The following SUGCT variants were observed in gnomAD, a reference collection of about 807,000 sequenced individuals.
The protein encoded by SUGCT is succinyl-CoA:glutarate-CoA transferase.
A neutral mutation model predicts 55.0 loss-of-function variants in SUGCT; 41 were observed. The observed-to-expected ratio is 0.74, with a 90% CI of 0.58 to 0.97. The LOEUF (loss-of-function observed/expected upper bound fraction) is 0.97, where lower values mean the gene tolerates loss of function less well. Ranked by LOEUF, SUGCT falls within the 50% of genes least tolerant of loss-of-function variation. The probability of loss-of-function intolerance (pLI) is 0.00; values close to 1 mark genes in which losing one functional copy is unlikely to be tolerated. For missense variants in SUGCT, 568 were observed against 547.8 expected, an observed-to-expected ratio of 1.04 and a Z score of -0.37; for synonymous variants, 187 against 200.4, an observed-to-expected ratio of 0.93 and a Z score of 0.56.
intron 9 of SUGCT, among the ~76,000 whole-genome samples, chr7:40,366,725 C>T (rs1462895853): frequency 6.6e-6 from 1 of 151,880 alleles, no homozygotes; most frequent in Admixed American, 6.6e-5. Context: ...ATACCATCTC[C>T]CACCAGTTAG....
intron 9 of SUGCT, among the ~76,000 whole-genome samples, chr7:40,330,929 G>A (rs1292867219): frequency 3.3e-5 from 5 of 152,006 alleles, no homozygotes; most frequent in Non-Finnish European, 5.9e-5. Flanking sequence ...AAGCATTTTA[G>A]TGAAAATGAA....
intron 10 of SUGCT, among the ~76,000 whole-genome samples, chr7:40,451,932 C>T (rs1027582071): frequency 6.6e-6 from 1 of 152,178 alleles, no homozygotes; most frequent in Non-Finnish European, 1.5e-5. Context: ...TCACAGTGAG[C>T]CCCTCAAAAC....
chr7:40,170,608 G>T (rs1470803705), intron 1 of SUGCT, among the ~76,000 whole-genome samples: 1 of 152,184 alleles, frequency 6.6e-6, no homozygotes, highest in Non-Finnish European at 1.5e-5. Flanking sequence ...TTTCCAGGGT[G>T]CATAACCACC....
the SUGCT span, among the ~76,000 whole-genome samples, chr7:40,941,187 AC>A: frequency 6.6e-6 from 1 of 151,842 alleles, no homozygotes. Flanking sequence ...CACATTTGTG[AC>A]CTTTCAGACT....
At chr7:40,598,872 T>TGA (rs1027110335) in intron 12 of SUGCT, among the ~76,000 whole-genome samples, 1 of 152,112 alleles carries the variant, frequency 6.6e-6, no homozygotes, top group Non-Finnish European at 1.5e-5. Context: ...GGTTGACATT[T>TGA]GAGAGAGAGA....
chr7:40,806,197 CTG>C (rs1435269441), intron 13 of SUGCT, among the ~76,000 whole-genome samples: 1 of 152,170 alleles, frequency 6.6e-6, no homozygotes, highest in African/African-American at 2.4e-5. Flanking sequence ...TGTCTAAACT[CTG>C]TAACGTTGGT....
intron 8 of SUGCT, among the ~76,000 whole-genome samples, chr7:40,301,667 A>G (rs1794550047): frequency 6.6e-6 from 1 of 152,220 alleles, no homozygotes; most frequent in Non-Finnish European, 1.5e-5. Context: ...GAAGCTCAAG[A>G]GAGCAGTGCA....
intron 13 of SUGCT, among the ~76,000 whole-genome samples, chr7:40,821,735 T>C (rs1168159645): frequency 2.0e-5 from 3 of 152,208 alleles, no homozygotes; most frequent in Non-Finnish European, 4.4e-5. Context: ...TCATTGATTT[T>C]TTTGAAGGGT....
chr7:40,309,789 C>CGATATGTGGTGTGTGAGA (rs61287506), intron 8 of SUGCT, among the ~76,000 whole-genome samples: 1 of 151,208 alleles, frequency 6.6e-6, no homozygotes, highest in Non-Finnish European at 1.5e-5. Flanking sequence ...GCCCACACAG[C>CGATATGTGGTGTGTGAGA]GAGAGGGACA....
At chr7:40,297,847 C>T (rs562818817) in intron 8 of SUGCT, among the ~76,000 whole-genome samples, 4 of 152,026 alleles carry the variant, frequency 2.6e-5, no homozygotes, top group South Asian at 4.1e-4. Flanking sequence ...AACTCAGAGA[C>T]GAAATTTTTT....
At chr7:40,933,731 C>T in the SUGCT span, among the ~76,000 whole-genome samples, 2 of 152,172 alleles carry the variant, frequency 1.3e-5, no homozygotes, top group Non-Finnish European at 2.9e-5. Flanking sequence ...AAATCAGCTA[C>T]TGAAGCTCGT....
At chr7:40,908,382 CAAA>C in the SUGCT span, among the ~76,000 whole-genome samples, 19 of 82,612 alleles carry the variant, frequency 2.3e-4, no homozygotes, top group African/African-American at 7.7e-4. Context: ...GACTCTGTCT[CAAA>C]AAAAAAAAAA....
chr7:40,775,717 G>A (rs1584422805), intron 13 of SUGCT: 1 of 152,114 alleles, frequency 6.6e-6, no homozygotes, highest in African/African-American at 2.4e-5. Context: ...AAGGTGAGTG[G>A]ATTATTTCTG....
chr7:40,429,034 G>A (rs1360727495), intron 9 of SUGCT, among the ~76,000 whole-genome samples: 1 of 151,962 alleles, frequency 6.6e-6, no homozygotes, highest in African/African-American at 2.4e-5. Flanking sequence ...TTTAAGGTAT[G>A]CAGCATGATG....
At chr7:40,909,728 C>G in the SUGCT span, among the ~76,000 whole-genome samples, 2 of 152,152 alleles carry the variant, frequency 1.3e-5, no homozygotes, top group Non-Finnish European at 2.9e-5. Flanking sequence ...TCTGATTATT[C>G]TGGCCCCTTC....
chr7:40,587,613 A>C (rs763405967), intron 12 of SUGCT, among the ~76,000 whole-genome samples: 4 of 152,220 alleles, frequency 2.6e-5, no homozygotes, highest in Non-Finnish European at 5.9e-5. Flanking sequence ...TTGCCATGGC[A>C]AAGCAGTTGG....
At chr7:40,673,607 A>G (rs1802049001) in intron 12 of SUGCT, among the ~76,000 whole-genome samples, 1 of 152,194 alleles carries the variant, frequency 6.6e-6, no homozygotes, top group East Asian at 1.9e-4. Flanking sequence ...CGCTATGTAA[A>G]GCTGAAGAGT....
intron 5 of SUGCT, among the ~76,000 whole-genome samples, chr7:40,194,021 C>T (rs1035949077): frequency 1.2e-4 from 19 of 152,158 alleles, no homozygotes; most frequent in East Asian, 9.7e-4. Flanking sequence ...CTCTAATTCC[C>T]GTAACAGCGG....
At chr7:40,648,735 T>C (rs1483315490) in intron 12 of SUGCT, among the ~76,000 whole-genome samples, 1 of 152,210 alleles carries the variant, frequency 6.6e-6, no homozygotes, top group East Asian at 1.9e-4. Context: ...CGAAGTGTTA[T>C]TGCTACTTTA....
Sources: allele counts gnomAD v4.1 joint callset (sites outside exome capture counted in the v4.1 genomes callset), GRCh38; gene constraint gnomAD v4.1.1; transcripts MANE v1.5; gene names NCBI Gene and HGNC (gene_info 2026-07-23, HGNC 2026-07-21).